The following JHY variants were observed in gnomAD, a reference collection of about 807,000 sequenced individuals.
JHY encodes jhy protein homolog.
Under a neutral mutation model 78.0 loss-of-function variants are expected in JHY, and 69 were observed. That is an observed-to-expected ratio of 0.88 (90% CI 0.73 to 1.08). The LOEUF is 1.08. JHY is among the 50% of genes least tolerant of loss of function. JHY has a pLI of 0.00. For missense variants in JHY, 944 were observed against 927.8 expected (o/e 1.02, Z -0.23); for synonymous variants, 368 against 342.6 (o/e 1.07, Z -0.82).
chr11:122,958,814 GGA>G, intron 8 of JHY: 1 of 984,944 alleles, frequency 1.0e-6, no homozygotes, highest in South Asian at 4.7e-5. Context: ...TATAATGATG[GGA>G]GCTCAAGTGT....
At chr11:122,940,396 A>G (rs907703752) in intron 5 of JHY, among the ~76,000 whole-genome samples, 3 of 152,180 alleles carry the variant, frequency 2.0e-5, no homozygotes, top group Admixed American at 1.3e-4. Flanking sequence ...ATTGTTTTCT[A>G]TAACATTGCC....
At chr11:122,947,193 TAAA>T (rs1395203368) in intron 6 of JHY, 2 of 157,304 alleles carry the variant, frequency 1.3e-5, no homozygotes, top group Non-Finnish European at 2.8e-5. Flanking sequence ...TCTCATATCT[TAAA>T]AAGTAGAGAA....
chr11:122,888,703 C>T (rs1307077595), intron 2 of JHY, among the ~76,000 whole-genome samples: 3 of 152,130 alleles, frequency 2.0e-5, no homozygotes, highest in Non-Finnish European at 4.4e-5. Flanking sequence ...CCCCTTTCTT[C>T]CCCCTTAGAG....
intron 6 of JHY, among the ~76,000 whole-genome samples, chr11:122,949,520 G>A (rs1407519851): frequency 3.3e-5 from 5 of 152,200 alleles, no homozygotes; most frequent in East Asian, 3.9e-4. Context: ...AGATACTAAC[G>A]AGAAGAAAAA....
intron 3 of JHY, among the ~76,000 whole-genome samples, chr11:122,919,467 C>T (rs569687229): frequency 4.6e-5 from 7 of 151,554 alleles, no homozygotes; most frequent in Admixed American, 3.9e-4. Flanking sequence ...GTGCCCCTGG[C>T]GCATCAGCGA....
At chr11:122,955,401 A>G (rs1308409249) in intron 6 of JHY, among the ~76,000 whole-genome samples, 1 of 152,126 alleles carries the variant, frequency 6.6e-6, no homozygotes, top group Non-Finnish European at 1.5e-5. Flanking sequence ...CATTACAGGC[A>G]TGAGTCACCG....
intron 4 of JHY, among the ~76,000 whole-genome samples, chr11:122,929,233 G>GT (rs1191384205): frequency 0.019 from 2,460 of 130,508 alleles, 47 homozygotes; most frequent in African/African-American, 0.064. Context: ...GGCCAAGGTT[G>GT]TTTTTTGTTT....
chr11:122,930,605 A>G (rs1429248707), intron 4 of JHY, among the ~76,000 whole-genome samples: 1 of 152,216 alleles, frequency 6.6e-6, no homozygotes, highest in African/African-American at 2.4e-5. Context: ...AGTCTTATCC[A>G]TGCCCAGATC....
intron 4 of JHY, among the ~76,000 whole-genome samples, chr11:122,929,115 T>C (rs560224351): frequency 2.6e-5 from 4 of 151,866 alleles, no homozygotes; most frequent in African/African-American, 9.7e-5. Context: ...TCAGTAGAGA[T>C]GGGGTTTCTT....
At chr11:122,920,739 C>T (rs946412913) in intron 3 of JHY, among the ~76,000 whole-genome samples, 3 of 152,160 alleles carry the variant, frequency 2.0e-5, no homozygotes, top group Admixed American at 6.5e-5. Flanking sequence ...GGCACTCAGC[C>T]GCTCTGCTCT....
chr11:122,936,186 C>T (rs1026588410), intron 5 of JHY, among the ~76,000 whole-genome samples: 27 of 152,274 alleles, frequency 1.8e-4, no homozygotes, highest in African/African-American at 6.5e-4. Context: ...AACGTCCTTT[C>T]TACATACCTA....
At chr11:122,906,427 C>T (rs529902083) in intron 3 of JHY, among the ~76,000 whole-genome samples, 25 of 152,234 alleles carry the variant, frequency 1.6e-4, no homozygotes, top group Non-Finnish European at 1.6e-4. Context: ...GACTCCTGGG[C>T]TCAAATGATC....
chr11:122,911,292 G>C (rs1036675478), intron 3 of JHY, among the ~76,000 whole-genome samples: 2 of 152,172 alleles, frequency 1.3e-5, no homozygotes, highest in Non-Finnish European at 2.9e-5. Context: ...GTTTACAAAT[G>C]TGATATGGTT....
intron 5 of JHY, among the ~76,000 whole-genome samples, chr11:122,944,299 T>C (rs1863924942): frequency 6.6e-6 from 1 of 152,202 alleles, no homozygotes; most frequent in African/African-American, 2.4e-5. Flanking sequence ...CACCCTACTT[T>C]CTCTATACTT....
chr11:122,928,806 G>T (rs1194534356), intron 4 of JHY, among the ~76,000 whole-genome samples: 1 of 151,914 alleles, frequency 6.6e-6, no homozygotes, highest in Non-Finnish European at 1.5e-5. Flanking sequence ...CCGCCACCAC[G>T]CCCGGCTAAT....
chr11:122,943,609 T>C (rs1278534612), intron 5 of JHY, among the ~76,000 whole-genome samples: 1 of 152,230 alleles, frequency 6.6e-6, no homozygotes, highest in African/African-American at 2.4e-5. Flanking sequence ...TTTTGCTTTA[T>C]GTATTTTGAA....
chr11:122,936,740 C>T (rs949314603), intron 5 of JHY, among the ~76,000 whole-genome samples: 6 of 152,002 alleles, frequency 3.9e-5, no homozygotes, highest in African/African-American at 1.5e-4. Context: ...TAATAAGTTG[C>T]TTGATTTGAT....
rs1374664647 is a variant in JHY, at chr11:122,960,658, T to C, written c.*1213T>C. 3 of 367,780 alleles carry C rather than the reference T, an allele frequency of 8.2e-6. No homozygotes were observed. The highest frequency in any genetic ancestry group is 6.3e-5 in the African/African-American group (3 of 47,426). The allele number at this position is 367,780 out of a possible 1,614,324, so 22.8% of individuals were successfully genotyped here. On this transcript the variant is annotated 3_prime_UTR_variant, in exon 9 of 9. Transcript: ENST00000227349. ...TCTACTATATCAATAGTAGGGTTAC[T>C]TGTCTATGTAATTTAAAAATATGGT...
At chr11:122,955,014 C>T (rs1196131858) in intron 6 of JHY, among the ~76,000 whole-genome samples, 1 of 152,162 alleles carries the variant, frequency 6.6e-6, no homozygotes, top group Non-Finnish European at 1.5e-5. Context: ...TATCGTCTTT[C>T]CTATCCTTCC....
Sources: gnomAD v4.1 joint callset for allele counts (sites outside exome capture counted in the v4.1 genomes callset) on GRCh38, gnomAD v4.1.1 for gene constraint, MANE v1.5 for transcripts, NCBI Gene and HGNC (gene_info 2026-07-23, HGNC 2026-07-21) for gene names.